SNX27: variants seen among roughly 807,000 people sequenced by gnomAD.
SNX27 encodes the protein sorting nexin-27.
In SNX27, 22 loss-of-function variants were observed where a neutral mutation model predicts 71.6. That is an observed-to-expected ratio of 0.31 (90% confidence interval 0.22 to 0.44). SNX27 has a LOEUF of 0.44. Ranked by LOEUF, SNX27 falls within the 20% of genes least tolerant of loss-of-function variation. The pLI is 1.00. For missense variants in SNX27, 531 were observed against 698.6 expected, an observed-to-expected ratio of 0.76 and a Z score of 2.70; for synonymous variants, 269 against 277.2, an observed-to-expected ratio of 0.97 and a Z score of 0.29.
Position 151,698,078 on chromosome 1 carries a change from A to C in SNX27, c.*3661A>C, listed in dbSNP as rs1181154500. ...CCTAAACACAGGTACAGATATGTGC[A>C]TGCTCAGGGCAGCTCCTAGGCCTGG... is the stretch of plus-strand genomic sequence containing the variant. On this transcript the variant is annotated 3_prime_UTR_variant, in exon 12 of 12. Transcript: ENST00000458013. The C allele has an allele frequency of 2.0e-5, 3 of 152,100 alleles. No individual in the cohort carries two copies. The highest frequency in any genetic ancestry group is 2.9e-5 in the Non-Finnish European group (2 of 68,060). The allele number at this position is 152,100 out of a possible 1,614,324, so 9.4% of individuals were successfully genotyped here.
chr1:151,657,302 A>G (rs1669741269), intron 2 of SNX27, among the ~76,000 whole-genome samples: 1 of 152,026 alleles, frequency 6.6e-6, no homozygotes, highest in African/African-American at 2.4e-5. Context: ...GCCTCCTGGG[A>G]CTACAGGCGC....
intron 3 of SNX27, among the ~76,000 whole-genome samples, chr1:151,658,827 G>T (rs1429449326): frequency 6.8e-6 from 1 of 146,732 alleles, no homozygotes; most frequent in East Asian, 2.0e-4. Context: ...TGGGACTATA[G>T]GCACATGCCA....
intron 8 of SNX27, among the ~76,000 whole-genome samples, chr1:151,688,228 G>T (rs1671276798): frequency 6.6e-6 from 1 of 152,134 alleles, no homozygotes; most frequent in African/African-American, 2.4e-5. Flanking sequence ...ACTCAGGTTG[G>T]GTAGTATTTG....
intron 6 of SNX27, among the ~76,000 whole-genome samples, chr1:151,667,682 C>T (rs1670263543): frequency 6.6e-6 from 1 of 151,762 alleles, no homozygotes; most frequent in Non-Finnish European, 1.5e-5. Context: ...AAAAAATTAG[C>T]CGGGCGTAGT....
chr1:151,660,915 A>C, intron 4 of SNX27, 53 bp downstream of exon 4: 1 of 1,323,050 alleles, frequency 7.6e-7, no homozygotes, highest in Non-Finnish European at 1.1e-6. Flanking sequence ...CTTGTGGGGG[A>C]AAATAAGTTA....
intron 11 of SNX27, chr1:151,693,741 C>T (rs1391670964): frequency 3.8e-6 from 6 of 1,569,638 alleles, no homozygotes; most frequent in South Asian, 1.2e-5. Flanking sequence ...TTCCATCTCT[C>T]ATGACTTCAT....
In SNX27 at chr1:151,692,519, G is replaced by A. The variant is rs149937418; in HGVS notation, c.1324G>A (p.Val442Ile). The A allele has an allele frequency of 2.1e-5, 34 of 1,587,032 alleles. No individual in the cohort carries two copies. Among genetic ancestry groups the A allele is most frequent in the African/African-American group, 6.9e-5 (5 of 72,318 alleles). Residue 442 changes from valine (V) to isoleucine (I), a missense_variant, in exon 9 of 12, where the codon GTT becomes ATT. Physicochemically the swap from Val to Ile is conservative, Grantham distance 29. Transcript: ENST00000458013. Reference sequence around the variant, plus strand: ...CTGTGACTCCAGGAGGAAGGGGCACGTTATCACAGCCATCAGCATCACGCA... The same window carrying A: ...CTGTGACTCCAGGAGGAAGGGGCACATTATCACAGCCATCAGCATCACGCA... ...CACDSRRKGH[V>I]ITAISITHFK...
chr1:151,665,847 C>A, intron 5 of SNX27, 86 bp from the exon 6 acceptor site: 1 of 1,064,960 alleles, frequency 9.4e-7, no homozygotes. Context: ...CTCCCCTTTC[C>A]CTCCTCCACA....
chr1:151,671,776 TC>T (rs1478416469), intron 7 of SNX27, among the ~76,000 whole-genome samples: 1 of 152,074 alleles, frequency 6.6e-6, no homozygotes, highest in African/African-American at 2.4e-5. Flanking sequence ...CACCTTTCTT[TC>T]ATAGTGTTTT....
chr1:151,679,936 C>T (rs1001318696), intron 7 of SNX27: 3 of 152,052 alleles, frequency 2.0e-5, no homozygotes, highest in Admixed American at 6.6e-5. Context: ...GAGGGATTAT[C>T]ACAAGAAATT....
At chr1:151,649,962 G>A (rs980543141) in intron 2 of SNX27, among the ~76,000 whole-genome samples, 2 of 151,910 alleles carry the variant, frequency 1.3e-5, no homozygotes, top group African/African-American at 4.8e-5. Context: ...ATCTTGGCTC[G>A]CTGCAACCTC....
chr1:151,629,219 C>T (rs1449181341), intron 1 of SNX27: 1 of 151,862 alleles, frequency 6.6e-6, no homozygotes, highest in African/African-American at 2.4e-5. Context: ...TATTGTACTA[C>T]AATTTTCTTA....
At chr1:151,683,229 C>T in intron 7 of SNX27, 127 bp from the exon 8 acceptor site, 1 of 665,150 alleles carries the variant, frequency 1.5e-6, no homozygotes. Context: ...GCAGAGTTCA[C>T]TGGTAATGAT....
At chr1:151,657,534 C>A (rs7534887) in intron 2 of SNX27, among the ~76,000 whole-genome samples, 216 of 152,032 alleles carry the variant, frequency 1.4e-3, no homozygotes, top group African/African-American at 5.0e-3. Context: ...AGGCCACACA[C>A]GAGTATCAGT....
At chr1:151,651,393 C>T in intron 2 of SNX27, among the ~76,000 whole-genome samples, 2 of 150,220 alleles carry the variant, frequency 1.3e-5, no homozygotes, top group South Asian at 4.2e-4. Flanking sequence ...CCCCCCCCAC[C>T]TCCCTCCCGG....
At chr1:151,661,546 C>G (rs1558060218) in intron 4 of SNX27, 1 of 152,046 alleles carries the variant, frequency 6.6e-6, no homozygotes, top group Non-Finnish European at 1.5e-5. Flanking sequence ...ATTACAAGGT[C>G]AAAAATTACA....
chr1:151,649,762 A>G (rs1481035087), intron 2 of SNX27, among the ~76,000 whole-genome samples: 1 of 150,854 alleles, frequency 6.6e-6, no homozygotes, highest in Non-Finnish European at 1.5e-5. Flanking sequence ...CTGGAGTGCA[A>G]TGGTGCAATA....
At chr1:151,651,568 C>T (rs896921834) in intron 2 of SNX27, among the ~76,000 whole-genome samples, 4 of 140,122 alleles carry the variant, frequency 2.9e-5, no homozygotes, top group Admixed American at 7.0e-5. Context: ...CAGACGGGGT[C>T]GCGGCCAGGC....
intron 2 of SNX27, among the ~76,000 whole-genome samples, chr1:151,653,767 T>TGCCTTG (rs1231951230): frequency 6.6e-6 from 1 of 151,908 alleles, no homozygotes; most frequent in East Asian, 1.9e-4. Flanking sequence ...GTGATCCTCC[T>TGCCTTG]GCCTTGGCCT....
Sources: allele counts gnomAD v4.1 joint callset (sites outside exome capture counted in the v4.1 genomes callset), GRCh38; gene constraint gnomAD v4.1.1; transcripts MANE v1.5; gene names NCBI Gene and HGNC (gene_info 2026-07-23, HGNC 2026-07-21).